The following HSF5 variants were observed in gnomAD, a reference collection of about 807,000 sequenced individuals.
HSF5 encodes heat shock transcription factor 5.
Under a neutral mutation model 50.8 loss-of-function variants are expected in HSF5, and 5 were observed. The observed-to-expected ratio is 0.10, with a 90% CI of 0.05 to 0.21. The LOEUF (loss-of-function observed/expected upper bound fraction) is 0.21. Ranked by LOEUF, HSF5 falls within the 10% of genes least tolerant of loss-of-function variation. The probability of loss-of-function intolerance (pLI) is 1.00; values close to 1 mark genes in which losing one functional copy is unlikely to be tolerated. For synonymous variants in HSF5, 307 were observed against 307.4 expected (o/e 1.00, Z 0.02); for missense variants, 564 against 762.6 (o/e 0.74, Z 3.07).
At chr17:58,456,161 G>GTATA (rs139309261) in intron 5 of HSF5, among the ~76,000 whole-genome samples, 2 of 107,856 alleles carry the variant, frequency 1.9e-5, no homozygotes, top group African/African-American at 3.5e-5. Flanking sequence ...ATGTGTGTGT[G>GTATA]TATATACACA....
chr17:58,483,247 T>A (rs1288448112), intron 1 of HSF5, among the ~76,000 whole-genome samples: 2 of 152,248 alleles, frequency 1.3e-5, no homozygotes, highest in Admixed American at 6.5e-5. Flanking sequence ...TTGTTTTATA[T>A]CTGTCTACTT....
chr17:58,447,903 A>C (rs1228912362), intron 5 of HSF5, among the ~76,000 whole-genome samples: 4 of 152,168 alleles, frequency 2.6e-5, no homozygotes, highest in African/African-American at 4.8e-5. Flanking sequence ...TAATCCCAGC[A>C]CTTGGGAGGC....
chr17:58,445,012 G>GT (rs1199762797), intron 5 of HSF5, among the ~76,000 whole-genome samples: 2 of 151,950 alleles, frequency 1.3e-5, no homozygotes, highest in Non-Finnish European at 2.9e-5. Flanking sequence ...TCAGAGAAAT[G>GT]TAAAAAAAAA....
intron 5 of HSF5, among the ~76,000 whole-genome samples, chr17:58,448,556 C>T (rs1974592687): frequency 6.6e-6 from 1 of 152,124 alleles, no homozygotes; most frequent in Non-Finnish European, 1.5e-5. Flanking sequence ...AGAAACCTTA[C>T]AGGCAAGAGA....
chr17:58,450,417 T>C (rs1243691896), intron 5 of HSF5, among the ~76,000 whole-genome samples: 5 of 145,188 alleles, frequency 3.4e-5, no homozygotes, highest in Non-Finnish European at 7.6e-5. Flanking sequence ...ATCTTTTCCA[T>C]CATCCAAACA....
chr17:58,488,397 C>T lies in HSF5; in HGVS notation c.-123G>A. 2 of 1,293,666 alleles carry T rather than the reference C, an allele frequency of 1.5e-6. No individual in the cohort carries two copies. Among genetic ancestry groups the T allele is most frequent in the Non-Finnish European group, 1.9e-6 (2 of 1,026,178 alleles). 80.1% of individuals were successfully genotyped at this position (1,293,666 alleles called of 1,614,324 possible). A position where few individuals can be genotyped will look rare whatever the true frequency, so the allele number is the denominator to read the frequency against. ...GCGCCCATCCGCCGCGTACCAGGGA[C>T]CGTTGGCGCACGAGGCCCCGCGGCG... On this transcript the variant is annotated 5_prime_UTR_variant, in exon 1 of 6. Transcript: ENST00000323777. This position sits in a 1 kb window ranked among gnomAD's most constrained non-coding sequence, Gnocchi z 4.1.
At chr17:58,456,270 G>A (rs1243832170) in intron 5 of HSF5, among the ~76,000 whole-genome samples, 1 of 151,746 alleles carries the variant, frequency 6.6e-6, no homozygotes, top group Non-Finnish European at 1.5e-5. Context: ...TGGCAACATA[G>A]GTGAACCTGG....
intron 1 of HSF5, among the ~76,000 whole-genome samples, chr17:58,481,287 T>C (rs1213474038): frequency 1.3e-5 from 2 of 152,170 alleles, no homozygotes; most frequent in Non-Finnish European, 2.9e-5. Flanking sequence ...AAGAGTCTGT[T>C]AAAAATCCAC....
At chr17:58,457,056 C>T (rs933723853) in intron 5 of HSF5, among the ~76,000 whole-genome samples, 1 of 151,874 alleles carries the variant, frequency 6.6e-6, no homozygotes, top group African/African-American at 2.4e-5. Flanking sequence ...GTCAGGAGTT[C>T]AAGACCAGCC....
chr17:58,462,504 C>G (rs1233541827), intron 4 of HSF5, among the ~76,000 whole-genome samples: 2 of 152,154 alleles, frequency 1.3e-5, no homozygotes, highest in Admixed American at 1.3e-4. Flanking sequence ...ATGTTTATAA[C>G]ATGAAAATAA....
chr17:58,427,572 A>G (rs756444848), intron 5 of HSF5, among the ~76,000 whole-genome samples: 3 of 152,228 alleles, frequency 2.0e-5, no homozygotes, highest in Non-Finnish European at 4.4e-5. Context: ...GAGTTGGAAC[A>G]TTATTGATGA....
At chr17:58,425,191 G>T (rs1974278399) in intron 5 of HSF5, among the ~76,000 whole-genome samples, 1 of 152,134 alleles carries the variant, frequency 6.6e-6, no homozygotes, top group African/African-American at 2.4e-5. Context: ...CCAAGGTCAG[G>T]AGTTCGAGAC....
At chr17:58,457,717 C>T (rs1974732656) in intron 5 of HSF5, among the ~76,000 whole-genome samples, 1 of 152,180 alleles carries the variant, frequency 6.6e-6, no homozygotes, top group African/African-American at 2.4e-5. Context: ...TCCTATGGCA[C>T]AAAAATGGAT....
chr17:58,472,083 C>T (rs979540913), intron 2 of HSF5, among the ~76,000 whole-genome samples: 6 of 152,190 alleles, frequency 3.9e-5, no homozygotes, highest in African/African-American at 1.4e-4. Context: ...TCTCAAACTC[C>T]TGACCTCAAG....
At chr17:58,454,185 C>T (rs1231543695) in intron 5 of HSF5, among the ~76,000 whole-genome samples, 1 of 151,724 alleles carries the variant, frequency 6.6e-6, no homozygotes, top group Non-Finnish European at 1.5e-5. Flanking sequence ...GCCAAATCCC[C>T]CTCTGCGAGA....
In HSF5 at chr17:58,466,977, C is replaced by G. The variant is rs539290475; in HGVS notation, c.928G>C (p.Val310Leu). Residue 310 changes from valine to leucine, a missense_variant and splice_region_variant, in exon 3 of 6, where the codon GTG becomes CTG. Coordinates refer to ENST00000323777, the MANE Select transcript of HSF5 (RefSeq NM_001080439.3). The part of the protein sequence containing the change: ...QYSQAYYPTA[V>L]LQCCSPTHMD... ...TGGGTAGGAGAACAGCACTGTAGCA[C>G]AGCTGGAACAAATTCAAACACAGAA... is the stretch of plus-strand genomic sequence containing the variant. The G allele has an allele frequency of 1.9e-5, 30 of 1,601,228 alleles. 1 individual carries two copies. The South Asian group carries it at 3.2e-4, about 17-fold the overall frequency.
At chr17:58,453,651 A>G (rs1275750847) in intron 5 of HSF5, among the ~76,000 whole-genome samples, 2 of 152,128 alleles carry the variant, frequency 1.3e-5, no homozygotes, top group African/African-American at 4.8e-5. Flanking sequence ...AAGATCATTC[A>G]CCATAATCCA....
chr17:58,471,234 T>A (rs535664431), intron 2 of HSF5, among the ~76,000 whole-genome samples: 1 of 152,306 alleles, frequency 6.6e-6, no homozygotes, highest in South Asian at 2.1e-4. Flanking sequence ...TTTTTCACAA[T>A]TTTTTAAAAA....
intron 5 of HSF5, among the ~76,000 whole-genome samples, chr17:58,426,442 GAAGAT>G (rs1974297273): frequency 6.6e-6 from 1 of 152,188 alleles, no homozygotes; most frequent in East Asian, 1.9e-4. Flanking sequence ...ATTCATCAGA[GAAGAT>G]AAGTATTTGG....
Sources: gnomAD v4.1 joint callset for allele counts (sites outside exome capture counted in the v4.1 genomes callset) on GRCh38, gnomAD v4.1.1 for gene constraint, Gnocchi (gnomAD v3.1) non-coding constraint, MANE v1.5 for transcripts, NCBI Gene and HGNC (gene_info 2026-07-23, HGNC 2026-07-21) for gene names.